The following PIAS2 variants were observed in gnomAD, a reference collection of about 807,000 sequenced individuals.
PIAS2 encodes the protein E3 SUMO-protein ligase PIAS2.
A neutral mutation model predicts 69.7 loss-of-function variants in PIAS2; 19 were observed. The ratio of observed to expected loss-of-function variants is 0.27; its 90% CI spans 0.19 to 0.40. The LOEUF (loss-of-function observed/expected upper bound fraction) is 0.40. PIAS2 is among the 10% of genes least tolerant of loss of function. The pLI is 1.00. For synonymous variants in PIAS2, 261 were observed against 263.2 expected (o/e 0.99, Z 0.08); for missense variants, 624 against 757.0 (o/e 0.82, Z 2.06).
chr18:46,872,770 G>A (rs564893045), intron 2 of PIAS2, among the ~76,000 whole-genome samples: 2 of 152,258 alleles, frequency 1.3e-5, no homozygotes, highest in East Asian at 3.9e-4. Flanking sequence ...GATTAGTTGG[G>A]TATTGCTGAC....
intron 2 of PIAS2, among the ~76,000 whole-genome samples, chr18:46,872,737 G>GA (rs1291540385): frequency 1.3e-5 from 2 of 152,154 alleles, no homozygotes; most frequent in African/African-American, 4.8e-5. Flanking sequence ...CTAAAACCAA[G>GA]AAAGAACTCA....
chr18:46,894,033 G>A (rs1275633168), intron 1 of PIAS2, among the ~76,000 whole-genome samples: 3 of 152,126 alleles, frequency 2.0e-5, no homozygotes, highest in Non-Finnish European at 4.4e-5. Context: ...GGCTGAGGCA[G>A]GAGAATTTCT....
At chr18:46,842,968 C>G (rs1293043592) in intron 8 of PIAS2, among the ~76,000 whole-genome samples, 8 of 152,178 alleles carry the variant, frequency 5.3e-5, no homozygotes, top group Admixed American at 3.9e-4. Context: ...AAAAAAAGAT[C>G]TGCAAATACC....
chr18:46,887,009 T>C (rs1180350500), intron 2 of PIAS2, among the ~76,000 whole-genome samples: 1 of 152,192 alleles, frequency 6.6e-6, no homozygotes, highest in Non-Finnish European at 1.5e-5. Context: ...ACAAGCATTC[T>C]CTCACTTTGC....
intron 9 of PIAS2, among the ~76,000 whole-genome samples, chr18:46,834,662 T>C (rs1253399234): frequency 1.3e-5 from 2 of 152,242 alleles, no homozygotes; most frequent in Non-Finnish European, 2.9e-5. Context: ...TCACCCAGGT[T>C]GGAGTGCAAT....
intron 2 of PIAS2, among the ~76,000 whole-genome samples, chr18:46,888,843 C>T (rs905054506): frequency 1.3e-5 from 2 of 152,152 alleles, no homozygotes; most frequent in African/African-American, 2.4e-5. Context: ...TCCCGCTGTG[C>T]GACCTGGTTT....
At chr18:46,828,455 A>AGTC (rs1280887025) in intron 10 of PIAS2, among the ~76,000 whole-genome samples, 2 of 152,226 alleles carry the variant, frequency 1.3e-5, no homozygotes, top group Non-Finnish European at 2.9e-5. Context: ...GCAGGTCAGC[A>AGTC]GTCGTTTTAC....
intron 2 of PIAS2, among the ~76,000 whole-genome samples, chr18:46,867,301 T>A (rs2049633634): frequency 6.6e-6 from 1 of 152,076 alleles, no homozygotes; most frequent in South Asian, 2.1e-4. Flanking sequence ...ATAACCAGAC[T>A]CCAGGAACTT....
At chr18:46,914,356 C>A (rs2057572470) in intron 1 of PIAS2, among the ~76,000 whole-genome samples, 1 of 152,200 alleles carries the variant, frequency 6.6e-6, no homozygotes, top group South Asian at 2.1e-4. Context: ...CTAAACTCAG[C>A]CAATCAGATT....
intron 2 of PIAS2, among the ~76,000 whole-genome samples, chr18:46,890,113 C>T (rs995811351): frequency 3.9e-5 from 6 of 152,054 alleles, no homozygotes; most frequent in East Asian, 3.9e-4. Flanking sequence ...ATGATTCCAA[C>T]GACATGAGGT....
intron 2 of PIAS2, among the ~76,000 whole-genome samples, chr18:46,871,609 T>C (rs1568634712): frequency 6.6e-6 from 1 of 152,172 alleles, no homozygotes; most frequent in Non-Finnish European, 1.5e-5. Context: ...AACTTAGAGG[T>C]GGGACCCAAA....
At chr18:46,821,209 A>C in intron 11 of PIAS2, 137 bp from the exon 12 acceptor site, 1 of 714,076 alleles carries the variant, frequency 1.4e-6, no homozygotes, top group Non-Finnish European at 2.4e-6. Context: ...ACTACACAGC[A>C]CTCCACTCTA....
At chr18:46,860,978 A>AAAAAT (rs1490674328) in intron 3 of PIAS2, among the ~76,000 whole-genome samples, 1 of 152,066 alleles carries the variant, frequency 6.6e-6, no homozygotes, top group African/African-American at 2.4e-5. Context: ...ACCTTCTCTC[A>AAAAAT]AAAATAAAAT....
At position 46,808,799 on chromosome 18, in the gene PIAS2, G is replaced by T. The variant is rs1257436061; in HGVS notation, c.*3634C>A. ...TAAGAAAATAAAAATGTTTACTAAA[G>T]AAAGAATGGTCCGGCTAAGTGCTTT... On this transcript the variant is annotated 3_prime_UTR_variant, in exon 14 of 14. Coordinates refer to ENST00000585916, the MANE Select transcript of PIAS2 (RefSeq NM_004671.5). The T allele has an allele frequency of 3.2e-5, 4 of 124,304 alleles. No individual in the cohort carries two copies. Among genetic ancestry groups the T allele is most frequent in the African/African-American group, 9.0e-5 (3 of 33,420 alleles). The allele number at this position is 124,304 out of a possible 1,614,324, so 7.7% of individuals were successfully genotyped here.
Position 46,810,224 on chromosome 18 carries a change from GCA to G in PIAS2, c.*2207_*2208del, listed in dbSNP as rs1347223688. ...AAAAAAACAAATCACAATTATAAAAGCACAGAGATATCAGTTATAAGAACCAA... is the reference window on the plus strand; with the variant it reads ...AAAAAAACAAATCACAATTATAAAAGCAGAGATATCAGTTATAAGAACCAA... On this transcript the variant is annotated 3_prime_UTR_variant, in exon 14 of 14. Transcript: ENST00000585916. 8.0e-5 allele frequency: 12 copies of G among 150,686 alleles called. No homozygotes were observed. The highest frequency in any genetic ancestry group is 5.9e-4 in the Admixed American group (9 of 15,166). The allele number at this position is 150,686 out of a possible 1,614,324, so 9.3% of individuals were successfully genotyped here. A position where few individuals can be genotyped will look rare whatever the true frequency, so the allele number is the denominator to read the frequency against.
chr18:46,816,532 C>A, intron 12 of PIAS2: 1 of 740,378 alleles, frequency 1.4e-6, no homozygotes, highest in Non-Finnish European at 1.6e-6. Context: ...GGCTGGAGTG[C>A]AGAGGCACAA....
Position 46,890,680 on chromosome 18 carries a change from C to T in PIAS2, c.399G>A (p.Gln133=). 1 of 1,613,886 alleles carries T rather than the reference C, an allele frequency of 6.2e-7. No homozygotes were observed. Among genetic ancestry groups the T allele is most frequent in the Non-Finnish European group, 8.5e-7 (1 of 1,179,806 alleles). Residue 133 remains glutamine (Q), a synonymous_variant, in exon 2 of 14, where the codon CAG becomes CAA. Transcript: ENST00000585916. Reference sequence around the variant, plus strand: ...CAGGAGGAATTGGGGGAGATGGCTGCTGCATCTCAAATGTGGGCTTAGTAT... The same window carrying T: ...CAGGAGGAATTGGGGGAGATGGCTGTTGCATCTCAAATGTGGGCTTAGTAT... ...LQDTKPTFEM[Q]QPSPPIPPVH...
intron 3 of PIAS2, among the ~76,000 whole-genome samples, chr18:46,859,083 C>T (rs1042465142): frequency 6.6e-6 from 1 of 152,132 alleles, no homozygotes; most frequent in African/African-American, 2.4e-5. Flanking sequence ...TACTAGCTCC[C>T]TCAAAGGTAG....
chr18:46,837,189 T>C (rs1443417463), intron 8 of PIAS2, among the ~76,000 whole-genome samples: 1 of 151,856 alleles, frequency 6.6e-6, no homozygotes, highest in African/African-American at 2.4e-5. Flanking sequence ...ATTAACACAC[T>C]ATCTTCCACA....
Sources: gnomAD v4.1 joint callset for allele counts (sites outside exome capture counted in the v4.1 genomes callset) on GRCh38, gnomAD v4.1.1 for gene constraint, MANE v1.5 for transcripts, NCBI Gene and HGNC (gene_info 2026-07-23, HGNC 2026-07-21) for gene names.